Variants in LAMA2 observed in about 807,000 individuals in gnomAD.
The protein encoded by LAMA2 is laminin subunit alpha 2.
A neutral mutation model predicts 364.8 loss-of-function variants in LAMA2; 269 were observed. That is an observed-to-expected ratio of 0.74 (90% CI 0.67 to 0.82). The LOEUF is 0.82. LAMA2 is among the 40% of genes least tolerant of loss of function. The pLI, the probability that LAMA2 is intolerant of heterozygous loss-of-function variation, is 0.00. For missense variants in LAMA2, 3,807 were observed against 3,873.2 expected, an observed-to-expected ratio of 0.98 and a Z score of 0.45; for synonymous variants, 1,379 against 1,370.6, an observed-to-expected ratio of 1.01 and a Z score of -0.14.
At chr6:129,299,263 T>G (rs1322568395) in intron 21 of LAMA2, among the ~76,000 whole-genome samples, 1 of 152,110 alleles carries the variant, frequency 6.6e-6, no homozygotes. Flanking sequence ...CTTGACTGAG[T>G]AATTTTGTTT....
chr6:129,172,855 T>C (rs1780291798), intron 9 of LAMA2, among the ~76,000 whole-genome samples: 1 of 152,322 alleles, frequency 6.6e-6, no homozygotes, highest in South Asian at 2.1e-4. Flanking sequence ...CCAAGCCAGG[T>C]GCAGGATATA....
intron 51 of LAMA2, among the ~76,000 whole-genome samples, chr6:129,466,030 TAG>T (rs1319425892): frequency 6.6e-6 from 1 of 151,954 alleles, no homozygotes; most frequent in Admixed American, 6.6e-5. Context: ...CTAATATAAA[TAG>T]ACTCAATTAA....
At position 129,192,764 on chromosome 6, in the gene LAMA2, C is replaced by A; in HGVS notation, c.1693C>A (p.Gln565Lys). 1 of 1,614,218 alleles carries A rather than the reference C, an allele frequency of 6.2e-7. No homozygotes were observed. The highest frequency in any genetic ancestry group is 8.5e-7 in the Non-Finnish European group (1 of 1,180,036). ...CCAGCAGGACGACTTGGACTCACCT[C>A]AGCAGATCAGCATCAGTAACGCGGA... is the stretch of plus-strand genomic sequence containing the variant. ...APQQDDLDSPQQISISNAEAR... is the reference protein window; with the variant it reads ...APQQDDLDSPKQISISNAEAR... Residue 565 changes from glutamine to lysine, a missense_variant, in exon 12 of 65, where the codon CAG becomes AAG. Physicochemically the swap from Gln to Lys is moderately conservative, Grantham distance 53 (BLOSUM62 1). Transcript: ENST00000421865.
chr6:129,501,855 T>A (rs1482603978), intron 58 of LAMA2, among the ~76,000 whole-genome samples: 1 of 152,328 alleles, frequency 6.6e-6, no homozygotes, highest in African/African-American at 2.4e-5. Flanking sequence ...CTGTGTGTTA[T>A]GGTAGCCAAA....
intron 30 of LAMA2, among the ~76,000 whole-genome samples, chr6:129,348,501 A>G (rs947404853): frequency 6.6e-6 from 1 of 152,106 alleles, no homozygotes; most frequent in African/African-American, 2.4e-5. Flanking sequence ...GAAGTTTGTA[A>G]CAACCCAAAA....
In LAMA2 at chr6:129,250,115, C is replaced by T; in HGVS notation, c.1786C>T (p.Pro596Ser). ...TTATGCATCTTCTGTCTTGTAGCTC[C>T]CAGCAGTAGGAGGACAGTTGACATT... ...APAPYLGNKL[P>S]AVGGQLTFTI... Residue 596 changes from proline (P) to serine (S), a missense_variant, in exon 13 of 65, where the codon CCA becomes TCA. By Grantham distance (74) the Pro-to-Ser change is moderately conservative (BLOSUM62 -1). This residue lies in a region of LAMA2 where 3,333 missense variants were observed against 3,345.7 expected (regional missense o/e 1.00). Transcript: ENST00000421865. 5 of 1,588,946 alleles carry T rather than the reference C, an allele frequency of 3.1e-6. No homozygotes were observed. The South Asian group carries it at 5.5e-5, about 18-fold the overall frequency.
chr6:129,082,438 A>AAGAT (rs1190068723), intron 3 of LAMA2, among the ~76,000 whole-genome samples: 6 of 152,268 alleles, frequency 3.9e-5, no homozygotes, highest in African/African-American at 1.4e-4. Flanking sequence ...ACATCCAATA[A>AAGAT]AGATATAACA....
intron 3 of LAMA2, among the ~76,000 whole-genome samples, chr6:129,074,934 A>G (rs1582993620): frequency 6.6e-6 from 1 of 152,348 alleles, no homozygotes; most frequent in East Asian, 1.9e-4. Context: ...TAATTTAACA[A>G]TATGCGTTTG....
rs367953258 is a variant in LAMA2 at position 128,934,541 on chromosome 6, G to A, written c.112+51184G>A. Among the ~76,000 whole-genome samples, 196 of 144,632 alleles carry A rather than the reference G, an allele frequency of 1.4e-3. 1 individual carries two copies. Among genetic ancestry groups the A allele is most frequent in the African/African-American group, 4.8e-3 (186 of 38,842 alleles). The allele number at this position is 144,632 out of a possible 152,430, so 94.9% of individuals were successfully genotyped here. On this transcript the variant is annotated intron_variant, in intron 1 of 64. Coordinates refer to ENST00000421865, the MANE Select transcript of LAMA2 (RefSeq NM_000426.4). Reference sequence around the variant, plus strand: ...TCTGAGGTGGAATTTCCCTCTTTTCGCTCAAGGTGGAGTGCAATGGTGCAA... The same window carrying A: ...TCTGAGGTGGAATTTCCCTCTTTTCACTCAAGGTGGAGTGCAATGGTGCAA...
At chr6:129,039,085 A>G (rs1380709920) in intron 1 of LAMA2, among the ~76,000 whole-genome samples, 1 of 152,228 alleles carries the variant, frequency 6.6e-6, no homozygotes, top group African/African-American at 2.4e-5. Flanking sequence ...AGTGCTATCC[A>G]TGCCCTCAGT....
intron 12 of LAMA2, among the ~76,000 whole-genome samples, chr6:129,205,776 A>G (rs1203451571): frequency 1.3e-5 from 2 of 152,016 alleles, no homozygotes; most frequent in Non-Finnish European, 2.9e-5. Context: ...TGTAATCCCA[A>G]CACTTTTGGT....
chr6:129,101,978 A>G (rs1244464314), intron 4 of LAMA2, among the ~76,000 whole-genome samples: 1 of 151,888 alleles, frequency 6.6e-6, no homozygotes, highest in Non-Finnish European at 1.5e-5. Flanking sequence ...CTGTATCTTC[A>G]TTCTAGGTAT....
intron 4 of LAMA2, among the ~76,000 whole-genome samples, chr6:129,134,545 A>T (rs1257283897): frequency 2.0e-5 from 3 of 152,076 alleles, no homozygotes; most frequent in Admixed American, 6.5e-5. Context: ...TTTTCCATGG[A>T]ATTGACAGGG....
chr6:128,920,260 C>T (rs898230336), intron 1 of LAMA2, among the ~76,000 whole-genome samples: 9 of 151,770 alleles, frequency 5.9e-5, no homozygotes, highest in Non-Finnish European at 1.3e-4. Context: ...CGGGTTCAAG[C>T]GATTCTCCTT....
At chr6:129,101,775 T>G (rs1000726343) in intron 4 of LAMA2, among the ~76,000 whole-genome samples, 1 of 152,224 alleles carries the variant, frequency 6.6e-6, no homozygotes, top group East Asian at 1.9e-4. Context: ...AGATTGTACC[T>G]TTTTATTTTC....
At chr6:129,393,538 C>T (rs1050726327) in intron 37 of LAMA2, among the ~76,000 whole-genome samples, 1 of 152,124 alleles carries the variant, frequency 6.6e-6, no homozygotes, top group Non-Finnish European at 1.5e-5. Context: ...AAGTTCTTTA[C>T]AGGGAGTCAG....
At chr6:129,149,119 A>G (rs904809567) in intron 7 of LAMA2, 23 bp downstream of exon 7, 3 of 1,352,546 alleles carry the variant, frequency 2.2e-6, no homozygotes, top group Non-Finnish European at 3.2e-6. Context: ...GAAGCCAACA[A>G]AATATGTCAT....
rs763732088 is a variant in LAMA2, at chr6:129,353,235, A to G, written c.4595A>G (p.Tyr1532Cys). Reference sequence around the variant, plus strand: ...TGCCAAGAATGTGAGTGTGATCCCTATGGCTCACTGCCTGTGCCCTGTGAC... The same window carrying G: ...TGCCAAGAATGTGAGTGTGATCCCTGTGGCTCACTGCCTGTGCCCTGTGAC... ...GSCQECECDP[Y>C]GSLPVPCDPV... Residue 1532 changes from tyrosine (Y) to cysteine (C), a missense_variant, in exon 32 of 65, where the codon TAT (tyrosine) becomes TGT (cysteine). This residue lies in a region of LAMA2 where 3,333 missense variants were observed against 3,345.7 expected (regional missense o/e 1.00). Transcript: ENST00000421865. The G allele has an allele frequency of 1.6e-5, 26 of 1,613,996 alleles. No homozygotes were observed. The highest frequency in any genetic ancestry group is 2.2e-5 in the Non-Finnish European group (26 of 1,179,918).
intron 29 of LAMA2, among the ~76,000 whole-genome samples, chr6:129,333,305 A>G (rs1775766355): frequency 6.6e-6 from 1 of 152,140 alleles, no homozygotes; most frequent in Admixed American, 6.5e-5. Context: ...TAAGCTTTCT[A>G]TTTTATTACT....
Sources: allele counts gnomAD v4.1 joint callset (sites outside exome capture counted in the v4.1 genomes callset), GRCh38; gene constraint gnomAD v4.1.1; regional missense constraint gnomAD v4.1.1; transcripts MANE v1.5; gene names NCBI Gene and HGNC (gene_info 2026-07-23, HGNC 2026-07-21).